Variants in FRMD3 observed in about 807,000 individuals in gnomAD.
FRMD3 encodes FERM domain containing 3.
A neutral mutation model predicts 70.2 loss-of-function variants in FRMD3; 33 were observed. The observed-to-expected ratio is 0.47, with a 90% confidence interval of 0.36 to 0.63. FRMD3 has a LOEUF of 0.63. Ranked by LOEUF, FRMD3 falls within the 20% of genes least tolerant of loss-of-function variation. The pLI is 0.00. For synonymous variants in FRMD3, 279 were observed against 255.9 expected (o/e 1.09, Z -0.86); for missense variants, 632 against 711.4 (o/e 0.89, Z 1.27).
intron 3 of FRMD3, among the ~76,000 whole-genome samples, chr9:83,371,175 T>G (rs1824958955): frequency 6.6e-6 from 1 of 152,166 alleles, no homozygotes; most frequent in African/African-American, 2.4e-5. Flanking sequence ...AGTCTAAATA[T>G]TTTCAAATAT....
At chr9:83,431,379 T>C (rs1449571052) in intron 1 of FRMD3, among the ~76,000 whole-genome samples, 1 of 152,224 alleles carries the variant, frequency 6.6e-6, no homozygotes, top group African/African-American at 2.4e-5. Flanking sequence ...GAATGACTTG[T>C]TATGCCCTCC....
chr9:83,519,960 A>G (rs573891158), intron 1 of FRMD3, among the ~76,000 whole-genome samples: 1 of 152,276 alleles, frequency 6.6e-6, no homozygotes, highest in East Asian at 1.9e-4. Flanking sequence ...ATATGGGCAC[A>G]GGGAGGGGAA....
intron 13 of FRMD3, among the ~76,000 whole-genome samples, chr9:83,252,449 A>C (rs1267175235): frequency 6.6e-6 from 1 of 152,220 alleles, no homozygotes; most frequent in Non-Finnish European, 1.5e-5. Context: ...GATACTGTGA[A>C]CCAACCATAT....
the FRMD3 span, among the ~76,000 whole-genome samples, chr9:83,565,510 G>A: frequency 6.6e-6 from 1 of 152,162 alleles, no homozygotes; most frequent in Non-Finnish European, 1.5e-5. Context: ...GAGCCTCATT[G>A]TTAGCCATGA....
At chr9:83,450,890 G>C (rs1282355483) in intron 1 of FRMD3, among the ~76,000 whole-genome samples, 1 of 152,202 alleles carries the variant, frequency 6.6e-6, no homozygotes, top group Admixed American at 6.5e-5. Flanking sequence ...ATTGGAGGAA[G>C]GGTGAGCTTT....
chr9:83,305,923 G>A (rs1835116959), intron 10 of FRMD3, among the ~76,000 whole-genome samples: 1 of 152,176 alleles, frequency 6.6e-6, no homozygotes, highest in Non-Finnish European at 1.5e-5. Flanking sequence ...TCTCTGACAT[G>A]CCAAGTTGAC....
intron 2 of FRMD3, among the ~76,000 whole-genome samples, chr9:83,385,095 T>C (rs1348628299): frequency 6.6e-6 from 1 of 152,038 alleles, no homozygotes; most frequent in Admixed American, 6.6e-5. Context: ...ACTAGAGCTA[T>C]GAAATCCAGC....
intron 3 of FRMD3, among the ~76,000 whole-genome samples, chr9:83,369,499 C>T (rs574396035): frequency 2.0e-5 from 3 of 151,938 alleles, no homozygotes; most frequent in African/African-American, 4.8e-5. Context: ...AGAGATTGAA[C>T]CAGGGAGGCA....
chr9:83,395,673 C>A (rs1825792622), intron 1 of FRMD3, among the ~76,000 whole-genome samples: 2 of 151,966 alleles, frequency 1.3e-5, no homozygotes, highest in African/African-American at 4.8e-5. Flanking sequence ...CTTCAACTCC[C>A]AAGTTCAGCA....
chr9:83,289,469 A>C (rs2209186), intron 13 of FRMD3, among the ~76,000 whole-genome samples: 74,970 of 152,118 alleles, frequency 0.49, 20,503 homozygotes, highest in South Asian at 0.76. Context: ...TCTCCTTCTA[A>C]CCATCAAAGC....
intron 1 of FRMD3, among the ~76,000 whole-genome samples, chr9:83,430,388 A>G (rs1352645723): frequency 1.3e-5 from 2 of 152,200 alleles, no homozygotes; most frequent in Non-Finnish European, 2.9e-5. Context: ...ATATTGAGAA[A>G]TTTTTATCCC....
chr9:83,451,584 A>G (rs768417869), intron 1 of FRMD3, among the ~76,000 whole-genome samples: 1 of 152,230 alleles, frequency 6.6e-6, no homozygotes, highest in Non-Finnish European at 1.5e-5. Context: ...AATTTTTCAC[A>G]GAATACCCGT....
intron 1 of FRMD3, among the ~76,000 whole-genome samples, chr9:83,536,134 C>A (rs867012341): frequency 2.6e-5 from 4 of 152,250 alleles, no homozygotes; most frequent in Middle Eastern, 6.8e-3. Flanking sequence ...AGACAAATCA[C>A]AAAATGAAAC....
At chr9:83,460,171 T>G (rs1375566721) in intron 1 of FRMD3, among the ~76,000 whole-genome samples, 1 of 152,160 alleles carries the variant, frequency 6.6e-6, no homozygotes, top group Non-Finnish European at 1.5e-5. Flanking sequence ...TTTCCCTGCC[T>G]CAGTATCCCC....
At chr9:83,262,776 C>A (rs995786708) in intron 13 of FRMD3, among the ~76,000 whole-genome samples, 1 of 152,112 alleles carries the variant, frequency 6.6e-6, no homozygotes, top group Non-Finnish European at 1.5e-5. Context: ...TCCTCTAAGA[C>A]CCTATGTGTT....
intron 1 of FRMD3, among the ~76,000 whole-genome samples, chr9:83,432,255 T>G (rs1016561316): frequency 6.6e-6 from 1 of 152,332 alleles, no homozygotes; most frequent in South Asian, 2.1e-4. Context: ...ATATTTTAAG[T>G]GCAATCTCCT....
chr9:83,490,523 C>T (rs571807511), intron 1 of FRMD3, among the ~76,000 whole-genome samples: 7 of 152,228 alleles, frequency 4.6e-5, no homozygotes, highest in Non-Finnish European at 1.0e-4. Flanking sequence ...TTCAAGTGAT[C>T]TGCCCACCTC....
In FRMD3 at chr9:83,272,823, C is replaced by T. The variant is rs573997599; in HGVS notation, c.1195+17780G>A. ...TCTGGGATGTGAGGAGCGCCTCTGC[C>T]CGGCCACGACCCCATCTGGGAGGTG... On this transcript the variant is annotated intron_variant, in intron 13 of 13. Transcript: ENST00000304195. Among the ~76,000 whole-genome samples, 399 of 151,918 alleles carry T rather than the reference C, an allele frequency of 2.6e-3. 1 individual carries two copies. Among genetic ancestry groups the T allele is most frequent in the Middle Eastern group, 0.01 (3 of 292 alleles).
At chr9:83,494,911 T>C (rs1045318770) in intron 1 of FRMD3, among the ~76,000 whole-genome samples, 1 of 152,056 alleles carries the variant, frequency 6.6e-6, no homozygotes, top group African/African-American at 2.4e-5. Flanking sequence ...AATCATATCA[T>C]TGTATACACA....
Sources: gnomAD v4.1 joint callset for allele counts (sites outside exome capture counted in the v4.1 genomes callset) on GRCh38, gnomAD v4.1.1 for gene constraint, MANE v1.5 for transcripts, NCBI Gene and HGNC (gene_info 2026-07-23, HGNC 2026-07-21) for gene names.